ADAMTS6: variants seen among roughly 807,000 people sequenced by gnomAD.
ADAMTS6 encodes A disintegrin and metalloproteinase with thrombospondin motifs 6.
ADAMTS6 carries 23 observed loss-of-function variants against 144.3 expected under a neutral mutation model. That is an observed-to-expected ratio of 0.16 (90% CI 0.11 to 0.23). The LOEUF is 0.23. Among genes scored for constraint, ADAMTS6 ranks in the 10% least tolerant of loss-of-function variants. ADAMTS6 has a pLI of 1.00. For synonymous variants in ADAMTS6, 444 were observed against 457.5 expected (o/e 0.97, Z 0.38); for missense variants, 999 against 1,379.6 (o/e 0.72, Z 4.37).
At chr5:65,430,523 C>T (rs1374805164) in intron 7 of ADAMTS6, among the ~76,000 whole-genome samples, 1 of 152,128 alleles carries the variant, frequency 6.6e-6, no homozygotes, top group South Asian at 2.1e-4. Context: ...TGGATGGTCT[C>T]ACAGACAAGA....
intron 1 of ADAMTS6, among the ~76,000 whole-genome samples, chr5:65,478,495 T>C (rs1561580986): frequency 6.6e-6 from 1 of 152,238 alleles, no homozygotes; most frequent in Non-Finnish European, 1.5e-5. Flanking sequence ...ATGATATTGA[T>C]GTCTATCTCA....
intron 13 of ADAMTS6, 89 bp from the exon 14 acceptor site, chr5:65,260,752 T>A: frequency 1.1e-6 from 1 of 941,012 alleles, no homozygotes; most frequent in Non-Finnish European, 1.6e-6. Flanking sequence ...CATACTAAAG[T>A]TTACTTTCAA....
chr5:65,215,058 G>T, intron 19 of ADAMTS6, 126 bp from the exon 20 acceptor site: 1 of 1,238,810 alleles, frequency 8.1e-7, no homozygotes, highest in Non-Finnish European at 1.1e-6. Flanking sequence ...TAAAACACAT[G>T]CATTTATATC....
At chr5:65,432,476 A>AT (rs534717469) in intron 7 of ADAMTS6, among the ~76,000 whole-genome samples, 7 of 151,958 alleles carry the variant, frequency 4.6e-5, no homozygotes, top group African/African-American at 1.7e-4. Context: ...GAGCCATTGA[A>AT]TTTTTTCCAC....
At chr5:65,212,446 T>TTA (rs1554048209) in intron 20 of ADAMTS6, among the ~76,000 whole-genome samples, 3 of 143,416 alleles carry the variant, frequency 2.1e-5, no homozygotes, top group Non-Finnish European at 3.1e-5. Context: ...TTTTTTTTTT[T>TTA]ACCCCCTACC....
intron 9 of ADAMTS6, among the ~76,000 whole-genome samples, chr5:65,324,829 T>C (rs1443386828): frequency 6.6e-6 from 1 of 152,098 alleles, no homozygotes; most frequent in African/African-American, 2.4e-5. Context: ...ACCAACCGTA[T>C]CATCCAAGAG....
chr5:65,333,958 A>T, intron 8 of ADAMTS6, 84 bp downstream of exon 8: 1 of 1,245,158 alleles, frequency 8.0e-7, no homozygotes. Flanking sequence ...GATTAAAGTC[A>T]TTGGTCCAAA....
At chr5:65,263,866 G>A (rs1337567000) in intron 12 of ADAMTS6, among the ~76,000 whole-genome samples, 2 of 152,076 alleles carry the variant, frequency 1.3e-5, no homozygotes, top group African/African-American at 4.8e-5. Flanking sequence ...TAACAATAAG[G>A]AACATGGTTA....
At position 65,215,312 on chromosome 5, in the gene ADAMTS6, A is replaced by G. The variant is rs559674672; in HGVS notation, c.2436+12T>C. 5.0e-6 allele frequency: 8 copies of G among 1,611,486 alleles called. No homozygotes were observed. Among genetic ancestry groups the G allele is most frequent in the East Asian group, 2.2e-5 (1 of 44,844 alleles). ...AAAAACAGAAGAAATACAATGGCAA[A>G]GACGCATTTACCATGACGATGAGAT... On this transcript the variant is annotated intron_variant, in intron 19 of 24. Coordinates refer to ENST00000381055, the MANE Select transcript of ADAMTS6 (RefSeq NM_197941.4).
intron 14 of ADAMTS6, 146 bp from the exon 15 acceptor site, chr5:65,242,352 C>A (rs1043209027): frequency 2.5e-5 from 13 of 516,410 alleles, no homozygotes; most frequent in Non-Finnish European, 4.1e-5. Context: ...GTTTTACAAT[C>A]CGTATTCAGA....
intron 7 of ADAMTS6, among the ~76,000 whole-genome samples, chr5:65,408,613 A>C (rs1248064960): frequency 3.3e-5 from 5 of 152,190 alleles, no homozygotes. Context: ...TAACAGAGAT[A>C]TCCAGGACTT....
chr5:65,407,788 C>T (rs111649445), intron 7 of ADAMTS6, among the ~76,000 whole-genome samples: 1,797 of 152,148 alleles, frequency 0.012, 15 homozygotes, highest in Middle Eastern at 0.041. Flanking sequence ...GCTATAAAGA[C>T]ACATGCACAC....
chr5:65,420,734 A>G (rs1486017116), intron 7 of ADAMTS6, among the ~76,000 whole-genome samples: 1 of 152,222 alleles, frequency 6.6e-6, no homozygotes, highest in Non-Finnish European at 1.5e-5. Flanking sequence ...TGAAGACAAT[A>G]TAAAGTATTA....
chr5:65,260,726 T>C (rs1761125557), intron 13 of ADAMTS6, 63 bp from the exon 14 acceptor site: 3 of 1,269,164 alleles, frequency 2.4e-6, no homozygotes, highest in Non-Finnish European at 3.4e-6. Flanking sequence ...AGAGTATATA[T>C]ATTACTTGAT....
intron 7 of ADAMTS6, among the ~76,000 whole-genome samples, chr5:65,389,669 T>C (rs1253932766): frequency 6.6e-6 from 1 of 151,964 alleles, no homozygotes; most frequent in Non-Finnish European, 1.5e-5. Flanking sequence ...CCCATCCTTT[T>C]TTCCCCCCTA....
intron 15 of ADAMTS6, among the ~76,000 whole-genome samples, chr5:65,228,786 G>A (rs990554781): frequency 3.3e-5 from 5 of 152,180 alleles, no homozygotes; most frequent in East Asian, 1.9e-4. Flanking sequence ...TGTGTGGGAC[G>A]CTGCCCAAGA....
chr5:65,289,385 C>G (rs1742063715), intron 11 of ADAMTS6, among the ~76,000 whole-genome samples: 3 of 152,020 alleles, frequency 2.0e-5, no homozygotes, highest in Non-Finnish European at 4.4e-5. Flanking sequence ...AAATACAAAA[C>G]AGCCAGATGT....
intron 12 of ADAMTS6, 96 bp downstream of exon 12, chr5:65,273,244 A>G: frequency 2.0e-6 from 2 of 1,018,522 alleles, no homozygotes; most frequent in Non-Finnish European, 3.0e-6. Flanking sequence ...GTAGATTTTA[A>G]ATGAATATAT....
At chr5:65,173,223 T>A (rs892436653) in intron 22 of ADAMTS6, among the ~76,000 whole-genome samples, 15 of 152,180 alleles carry the variant, frequency 9.9e-5, no homozygotes, top group Non-Finnish European at 2.2e-4. Context: ...AATCCAACAT[T>A]TGCTTTTCTT....
Sources: gnomAD v4.1 joint callset for allele counts (sites outside exome capture counted in the v4.1 genomes callset) on GRCh38, gnomAD v4.1.1 for gene constraint, MANE v1.5 for transcripts, NCBI Gene and HGNC (gene_info 2026-07-23, HGNC 2026-07-21) for gene names.